Variants in C2CD3 observed in about 807,000 individuals in gnomAD.
C2CD3 encodes the protein C2 domain containing 3 centriole elongation regulator.
Under a neutral mutation model 234.0 loss-of-function variants are expected in C2CD3, and 148 were observed. That is an observed-to-expected ratio of 0.63 (90% CI 0.55 to 0.72). The LOEUF is 0.72. Ranked by LOEUF, C2CD3 falls within the 30% of genes least tolerant of loss-of-function variation. The pLI, the probability that C2CD3 is intolerant of heterozygous loss-of-function variation, is 0.00. For synonymous variants in C2CD3, 1,000 were observed against 1,035.4 expected (o/e 0.97, Z 0.66); for missense variants, 2,577 against 2,811.5 (o/e 0.92, Z 1.89).
chr11:74,076,831 C>G (rs910238132), intron 23 of C2CD3, among the ~76,000 whole-genome samples: 2 of 152,192 alleles, frequency 1.3e-5, no homozygotes, highest in African/African-American at 4.8e-5. Context: ...ATCACTTTCA[C>G]TGAGATGCTA....
intron 6 of C2CD3, 86 bp downstream of exon 6, chr11:74,133,339 T>G: frequency 8.5e-7 from 1 of 1,182,158 alleles, no homozygotes; most frequent in Non-Finnish European, 1.2e-6. Flanking sequence ...ATTTCCAAGA[T>G]TACCTAGTCC....
intron 18 of C2CD3, 106 bp from the exon 19 acceptor site, chr11:74,092,694 T>C: frequency 1.1e-6 from 1 of 914,538 alleles, no homozygotes; most frequent in Non-Finnish European, 1.7e-6. Flanking sequence ...TGCCTGATTG[T>C]TCTGTGTTGG....
intron 28 of C2CD3, 93 bp from the exon 29 acceptor site, chr11:74,042,311 G>C (rs1953107035): frequency 7.9e-7 from 1 of 1,270,196 alleles, no homozygotes; most frequent in African/African-American, 1.5e-5. Context: ...TCACTATCCT[G>C]AAATGGAATG....
At chr11:74,160,506 T>C (rs1191668060) in intron 3 of C2CD3, among the ~76,000 whole-genome samples, 1 of 152,228 alleles carries the variant, frequency 6.6e-6, no homozygotes, top group African/African-American at 2.4e-5. Flanking sequence ...AATATTATAC[T>C]GCATAATCTC....
In C2CD3 at chr11:74,114,456, T is replaced by C. The variant is rs775411151; in HGVS notation, c.1658A>G (p.Asp553Gly). The C allele has an allele frequency of 6.2e-7, 1 of 1,614,092 alleles. No homozygotes were observed. The highest frequency in any genetic ancestry group is 8.5e-7 in the Non-Finnish European group (1 of 1,179,964). The change falls in exon 10 of 33, where the codon GAT becomes GGT. Residue 553 changes from aspartate to glycine, a missense_variant. By Grantham distance (94) the Asp-to-Gly change is moderately conservative. Transcript: ENST00000334126. Reference sequence around the variant, plus strand: ...TTTGCCAGGGGTCATCTGAGGACTATCTGGAGGAACTCCCATGGTTTCGAT... The same window carrying C: ...TTTGCCAGGGGTCATCTGAGGACTACCTGGAGGAACTCCCATGGTTTCGAT... ...IIIETMGVPP[D>G]SPQMTPGKKS...
chr11:74,101,073 G>A (rs1257388794), intron 14 of C2CD3, among the ~76,000 whole-genome samples: 2 of 152,180 alleles, frequency 1.3e-5, no homozygotes, highest in African/African-American at 4.8e-5. Flanking sequence ...GACAAGAGTT[G>A]AGTATTTTAT....
intron 9 of C2CD3, among the ~76,000 whole-genome samples, chr11:74,115,651 G>C (rs1392192192): frequency 6.6e-6 from 1 of 151,982 alleles, no homozygotes; most frequent in Non-Finnish European, 1.5e-5. Context: ...AACCAAAAAA[G>C]AGCCCACATA....
intron 3 of C2CD3, among the ~76,000 whole-genome samples, chr11:74,159,410 G>A (rs529661719): frequency 6.6e-6 from 1 of 152,156 alleles, no homozygotes; most frequent in Non-Finnish European, 1.5e-5. Flanking sequence ...AGCTCCATGT[G>A]TGTGACTGAC....
rs1590998595 is a variant in C2CD3, at chr11:74,170,584, G to C, written c.55+154C>G. Among the ~76,000 whole-genome samples, 6 of 151,988 alleles carry C rather than the reference G, an allele frequency of 3.9e-5. No individual in the cohort carries two copies. In the South Asian group the frequency reaches 8.3e-4, roughly 21 times the overall value. On this transcript the variant is annotated intron_variant, in intron 1 of 32. Transcript: ENST00000334126. The stretch of plus-strand genomic sequence containing the variant: ...CTAATTCCTTTCTATTCTCTGGAGG[G>C]CCAATTGCCCTTCCTTTTAACCTTC...
chr11:74,078,634 C>T lies in C2CD3; in HGVS notation c.4084G>A (p.Gly1362Ser). The T allele has an allele frequency of 6.2e-7, 1 of 1,614,174 alleles. No individual in the cohort carries two copies. The highest frequency in any genetic ancestry group is 8.5e-7 in the Non-Finnish European group (1 of 1,180,014). ...GTGAAGGAAATCGAAAGCTCCAGAC[C>T]ACCCACGATCTTCTGCATGAGCTCC... is the stretch of plus-strand genomic sequence containing the variant. Reference protein sequence around the residue: ...GLELMQKIVGGLELSISFTHR... With the variant: ...GLELMQKIVGSLELSISFTHR... The change falls in exon 23 of 33, where the codon GGT becomes AGT. Residue 1362 changes from glycine to serine, a missense_variant. Gly to Ser is a moderately conservative substitution (Grantham distance 56, BLOSUM62 0). Coordinates refer to ENST00000334126, the MANE Select transcript of C2CD3 (RefSeq NM_001286577.2).
intron 29 of C2CD3, among the ~76,000 whole-genome samples, chr11:74,038,993 C>G (rs1211215700): frequency 6.6e-6 from 1 of 152,168 alleles, no homozygotes; most frequent in Non-Finnish European, 1.5e-5. Context: ...GTCTGCGTAT[C>G]TTAGAGGAAA....
At chr11:74,142,912 A>G (rs1446479408) in intron 3 of C2CD3, among the ~76,000 whole-genome samples, 2 of 152,192 alleles carry the variant, frequency 1.3e-5, no homozygotes, top group Non-Finnish European at 2.9e-5. Flanking sequence ...TGAGTCCTGT[A>G]GAATTTCTAT....
Position 74,103,544 on chromosome 11 carries a change from G to C in C2CD3, c.2167C>G (p.Leu723Val). 6.2e-7 allele frequency: 1 copy of C among 1,613,996 alleles called. No individual in the cohort carries two copies. The highest frequency in any genetic ancestry group is 8.5e-7 in the Non-Finnish European group (1 of 1,179,958). ...KLSGNTHYTP[L>V]CAPTSPNKAL... ...TTATTTGGACTTGTAGGAGCACAAA[G>C]TGGGGTATAATGGGTGTTGCCACTT... Residue 723 changes from leucine (L) to valine (V), a missense_variant, in exon 14 of 33, where the codon CTT (leucine) becomes GTT (valine). Physicochemically the swap from Leu to Val is conservative, Grantham distance 32 (BLOSUM62 1). Transcript: ENST00000334126.
chr11:74,161,134 T>C (rs1057064678), intron 3 of C2CD3, among the ~76,000 whole-genome samples: 3 of 152,168 alleles, frequency 2.0e-5, no homozygotes, highest in Middle Eastern at 3.2e-3. Flanking sequence ...AATGCTTTTA[T>C]GAATGTAAAA....
intron 9 of C2CD3, among the ~76,000 whole-genome samples, chr11:74,116,933 TATACAC>T: frequency 8.4e-6 from 1 of 118,496 alleles, no homozygotes; most frequent in South Asian, 2.4e-4. Context: ...TACACGTGTA[TATACAC>T]ATATACACGT....
intron 7 of C2CD3, among the ~76,000 whole-genome samples, chr11:74,125,912 A>G (rs1016876120): frequency 1.3e-5 from 2 of 152,054 alleles, no homozygotes; most frequent in African/African-American, 4.8e-5. Context: ...ATGCCCCAAT[A>G]TGGACTGTTT....
intron 13 of C2CD3, among the ~76,000 whole-genome samples, chr11:74,103,919 A>C (rs1590811987): frequency 1.3e-5 from 2 of 152,324 alleles, no homozygotes; most frequent in East Asian, 3.9e-4. Flanking sequence ...ATCCAGCTGA[A>C]GAGGCTCCCA....
Position 74,057,478 on chromosome 11 carries a change from T to C in C2CD3, c.5018A>G (p.Glu1673Gly). Residue 1673 changes from glutamate to glycine, a missense_variant, in exon 25 of 33, where the codon GAG becomes GGG. Glu to Gly is a moderately conservative substitution (Grantham distance 98). Coordinates refer to ENST00000334126, the MANE Select transcript of C2CD3 (RefSeq NM_001286577.2). ...CACTTGGGTGTATACAGGAGATGAC[T>C]CATCGGCTGTTGCAAAGGATACACA... ...SCCVSFATAD[E>G]SSPVYTQVVE... 6.2e-7 allele frequency: 1 copy of C among 1,614,072 alleles called. No homozygotes were observed. The highest frequency in any genetic ancestry group is 1.1e-5 in the South Asian group (1 of 91,078).
At chr11:74,020,791 T>A (rs528196329) in intron 32 of C2CD3, among the ~76,000 whole-genome samples, 3 of 152,342 alleles carry the variant, frequency 2.0e-5, no homozygotes, top group South Asian at 4.1e-4. Flanking sequence ...GGCCTGCCTA[T>A]CCTCAGGCCC....
Sources: allele counts gnomAD v4.1 joint callset (sites outside exome capture counted in the v4.1 genomes callset), GRCh38; gene constraint gnomAD v4.1.1; transcripts MANE v1.5; gene names NCBI Gene and HGNC (gene_info 2026-07-23, HGNC 2026-07-21).